UNC5D: variants seen among roughly 807,000 people sequenced by gnomAD.
The protein encoded by UNC5D is netrin receptor UNC5D.
In UNC5D, 39 loss-of-function variants were observed where a neutral mutation model predicts 105.4. That is an observed-to-expected ratio of 0.37 (90% CI 0.29 to 0.48). The LOEUF is 0.48. Among genes scored for constraint, UNC5D ranks in the 20% least tolerant of loss-of-function variants. The pLI is 0.98. For synonymous variants in UNC5D, 452 were observed against 450.4 expected (o/e 1.00, Z -0.04); for missense variants, 991 against 1,202.4 (o/e 0.82, Z 2.60).
chr8:35,732,876 G>C (rs1033555034), intron 11 of UNC5D, among the ~76,000 whole-genome samples: 1 of 152,098 alleles, frequency 6.6e-6, no homozygotes, highest in African/African-American at 2.4e-5. Context: ...TTTAAAGTAA[G>C]AGAGAGGAAC....
chr8:35,544,528 T>C, intron 1 of UNC5D: 1 of 1,612,662 alleles, frequency 6.2e-7, no homozygotes, highest in Non-Finnish European at 8.5e-7. Flanking sequence ...CCTCCCAAAC[T>C]TCACCAGGTA....
intron 11 of UNC5D, among the ~76,000 whole-genome samples, chr8:35,737,946 A>T (rs1480738820): frequency 6.6e-6 from 1 of 152,044 alleles, no homozygotes; most frequent in Non-Finnish European, 1.5e-5. Context: ...GTCTCTACTA[A>T]ATATGCAAAA....
chr8:35,763,681 G>T (rs967359055), intron 14 of UNC5D, among the ~76,000 whole-genome samples: 2 of 152,168 alleles, frequency 1.3e-5, no homozygotes, highest in Non-Finnish European at 2.9e-5. Context: ...ACTCCAGAGT[G>T]CTATGTTATG....
At chr8:35,457,651 T>A (rs1024507818) in intron 1 of UNC5D, among the ~76,000 whole-genome samples, 1 of 152,086 alleles carries the variant, frequency 6.6e-6, no homozygotes, top group Non-Finnish European at 1.5e-5. Flanking sequence ...TGGGGAAGTA[T>A]TTGAATTGTG....
intron 7 of UNC5D, among the ~76,000 whole-genome samples, chr8:35,698,101 A>G (rs1826917310): frequency 6.6e-6 from 1 of 152,128 alleles, no homozygotes; most frequent in African/African-American, 2.4e-5. Context: ...CCTTTTTTAC[A>G]ACTTTATTGA....
chr8:35,776,539 G>A (rs777987370), intron 16 of UNC5D, among the ~76,000 whole-genome samples: 13 of 152,158 alleles, frequency 8.5e-5, no homozygotes, highest in Non-Finnish European at 1.3e-4. Context: ...GAGCACTAAT[G>A]AGCAGTCAGT....
intron 4 of UNC5D, among the ~76,000 whole-genome samples, chr8:35,623,396 TA>T (rs1821484015): frequency 6.6e-6 from 1 of 152,246 alleles, no homozygotes; most frequent in South Asian, 2.1e-4. Context: ...TTATTTTTAT[TA>T]TTTTTTGTGA....
At chr8:35,425,452 ACT>A (rs1177089588) in intron 1 of UNC5D, among the ~76,000 whole-genome samples, 2 of 151,776 alleles carry the variant, frequency 1.3e-5, no homozygotes, top group African/African-American at 2.4e-5. Context: ...TGATGTGTAA[ACT>A]CTCCGAGACC....
At position 35,726,393 on chromosome 8, in the gene UNC5D, C is replaced by A; in HGVS notation, c.1545C>A (p.Asn515Lys). ...CCAGGACTTTTCCCCATGGAAACAACCACAGCTTTAGTACAATGCATCCCA... is the reference window on the plus strand; with the variant it reads ...CCAGGACTTTTCCCCATGGAAACAAACACAGCTTTAGTACAATGCATCCCA... Reference protein sequence around the residue: ...NHSRTFPHGNNHSFSTMHPRN... With the variant: ...NHSRTFPHGNKHSFSTMHPRN... The change falls in exon 10 of 17, where the codon AAC (asparagine) becomes AAA (lysine). Residue 515 changes from asparagine (N) to lysine (K), a missense_variant. Transcript: ENST00000404895. 6.2e-7 allele frequency: 1 copy of A among 1,614,122 alleles called. No homozygotes were observed. Among genetic ancestry groups the A allele is most frequent in the Middle Eastern group, 1.6e-4 (1 of 6,062 alleles).
intron 4 of UNC5D, among the ~76,000 whole-genome samples, chr8:35,619,210 C>T (rs1359629701): frequency 6.6e-6 from 1 of 152,126 alleles, no homozygotes; most frequent in African/African-American, 2.4e-5. Flanking sequence ...GATTTGATAA[C>T]TTCTGTTGGC....
intron 4 of UNC5D, among the ~76,000 whole-genome samples, chr8:35,649,252 C>G (rs780448837): frequency 6.6e-5 from 10 of 152,038 alleles, no homozygotes; most frequent in Admixed American, 1.3e-4. Context: ...ACCATGCAGA[C>G]TGAGATTAAG....
intron 1 of UNC5D, among the ~76,000 whole-genome samples, chr8:35,277,415 T>C (rs1353071365): frequency 6.6e-6 from 1 of 152,244 alleles, no homozygotes; most frequent in Non-Finnish European, 1.5e-5. Flanking sequence ...ATTTCTTTGA[T>C]AATTCTTTTT....
At chr8:35,366,233 A>AT (rs1010725875) in intron 1 of UNC5D, among the ~76,000 whole-genome samples, 15 of 151,692 alleles carry the variant, frequency 9.9e-5, no homozygotes, top group African/African-American at 3.6e-4. Context: ...ATAGATTCCT[A>AT]TTTTTTCACT....
At chr8:35,745,239 A>G (rs181387790) in intron 11 of UNC5D, among the ~76,000 whole-genome samples, 509 of 152,248 alleles carry the variant, frequency 3.3e-3, no homozygotes, top group African/African-American at 0.012. Context: ...GTCAGAGAAA[A>G]CCTCATCAGT....
chr8:35,494,203 A>T (rs1419535897), intron 1 of UNC5D, among the ~76,000 whole-genome samples: 2 of 152,186 alleles, frequency 1.3e-5, no homozygotes, highest in Admixed American at 1.3e-4. Context: ...TTAGTATTAT[A>T]AAGTTAAAAT....
intron 1 of UNC5D, among the ~76,000 whole-genome samples, chr8:35,291,350 G>A (rs561024047): frequency 1.3e-5 from 2 of 152,220 alleles, no homozygotes; most frequent in Admixed American, 6.5e-5. Context: ...AAAGAGACAA[G>A]GAATTTGAAA....
At chr8:35,399,716 A>G (rs1804331414) in intron 1 of UNC5D, among the ~76,000 whole-genome samples, 3 of 152,214 alleles carry the variant, frequency 2.0e-5, no homozygotes, top group Admixed American at 6.5e-5. Flanking sequence ...AATTCAGTAT[A>G]ACAATTTAAA....
intron 1 of UNC5D, among the ~76,000 whole-genome samples, chr8:35,492,722 G>A (rs1009858022): frequency 1.3e-5 from 2 of 152,090 alleles, no homozygotes; most frequent in African/African-American, 4.8e-5. Context: ...GTAAGCAATT[G>A]TGAGGGGTAG....
At chr8:35,467,367 C>G (rs1809381374) in intron 1 of UNC5D, among the ~76,000 whole-genome samples, 1 of 151,980 alleles carries the variant, frequency 6.6e-6, no homozygotes, top group South Asian at 2.1e-4. Context: ...GTGGACACAC[C>G]AAATTAGCTG....
Sources: allele counts gnomAD v4.1 joint callset (sites outside exome capture counted in the v4.1 genomes callset), GRCh38; gene constraint gnomAD v4.1.1; transcripts MANE v1.5; gene names NCBI Gene and HGNC (gene_info 2026-07-23, HGNC 2026-07-21).